BMS1: variants seen among roughly 807,000 people sequenced by gnomAD.
BMS1 encodes the protein ribosome biogenesis protein BMS1 homolog.
A neutral mutation model predicts 138.7 loss-of-function variants in BMS1; 53 were observed. The ratio of observed to expected loss-of-function variants is 0.38; its 90% CI spans 0.31 to 0.48. BMS1 has a LOEUF of 0.48. Ranked by LOEUF, BMS1 falls within the 20% of genes least tolerant of loss-of-function variation. The pLI, the probability that BMS1 is intolerant of heterozygous loss-of-function variation, is 0.97. For missense variants in BMS1, 1,360 were observed against 1,565.5 expected, an observed-to-expected ratio of 0.87 and a Z score of 2.22; for synonymous variants, 504 against 539.9, an observed-to-expected ratio of 0.93 and a Z score of 0.92.
chr10:42,816,211 A>G (rs2132366161), intron 13 of BMS1, among the ~76,000 whole-genome samples: 1 of 152,224 alleles, frequency 6.6e-6, no homozygotes, highest in East Asian at 1.9e-4. Flanking sequence ...AGGCAGTAGA[A>G]TTGCTTGAAC....
chr10:42,805,846 C>T (rs1309687382), intron 13 of BMS1, among the ~76,000 whole-genome samples: 1 of 152,118 alleles, frequency 6.6e-6, no homozygotes, highest in Non-Finnish European at 1.5e-5. Context: ...GTCACCCAGG[C>T]TGGAGTGCAG....
chr10:42,825,639 A>G (rs1842616202), intron 21 of BMS1, among the ~76,000 whole-genome samples: 1 of 152,248 alleles, frequency 6.6e-6, no homozygotes, highest in Non-Finnish European at 1.5e-5. Flanking sequence ...TATTGAGTTT[A>G]TACCTTGCAG....
chr10:42,795,592 A>T (rs2132314946), intron 9 of BMS1, among the ~76,000 whole-genome samples: 1 of 151,896 alleles, frequency 6.6e-6, no homozygotes, highest in South Asian at 2.1e-4. Context: ...AAGTTCTGGG[A>T]TTACAGATGT....
intron 13 of BMS1, among the ~76,000 whole-genome samples, chr10:42,813,547 C>T (rs1842250107): frequency 3.3e-5 from 5 of 152,130 alleles, no homozygotes; most frequent in Admixed American, 3.3e-4. Flanking sequence ...TTGTATGAAT[C>T]ACTGGCTTGA....
Position 42,791,779 on chromosome 10 carries a change from GA to G in BMS1, c.779+11del. ...ATATCCTGGCAGACAGGTAAAATAT[GA>G]TTTTAAGCTTTTTCTTCCTGGGCCA... On this transcript the variant is annotated intron_variant, in intron 6 of 22. Transcript: ENST00000374518. The G allele has an allele frequency of 6.3e-7, 1 of 1,591,918 alleles. No individual in the cohort carries two copies. Among genetic ancestry groups the G allele is most frequent in the South Asian group, 1.2e-5 (1 of 86,666 alleles).
At chr10:42,808,179 C>T (rs1366486002) in intron 13 of BMS1, among the ~76,000 whole-genome samples, 1 of 151,966 alleles carries the variant, frequency 6.6e-6, no homozygotes, top group African/African-American at 2.4e-5. Context: ...TGTTTAACTC[C>T]ATCGTCGGAT....
intron 13 of BMS1, among the ~76,000 whole-genome samples, chr10:42,812,352 C>T (rs1486852738): frequency 2.0e-5 from 3 of 152,176 alleles, no homozygotes; most frequent in Non-Finnish European, 4.4e-5. Context: ...TGCTATGTTG[C>T]CCAGGCTGGA....
chr10:42,796,898 T>C lies in BMS1; in HGVS notation c.1654T>C (p.Ser552Pro), dbSNP rs3814621. The C allele has an allele frequency of 9.7e-4, 1,568 of 1,614,170 alleles. 21 individuals are homozygous for C. The East Asian group carries it at 0.031, about 32-fold the overall frequency. Residue 552 changes from serine to proline, a missense_variant, in exon 10 of 23, where the codon TCA becomes CCA. Ser to Pro is a moderately conservative substitution (Grantham distance 74, BLOSUM62 -1). This residue lies in a region of BMS1 where 697 missense variants were observed against 686.2 expected (regional missense o/e 1.02). Transcript: ENST00000374518. The part of the protein sequence containing the change: ...AAGEGSKAGL[S>P]PANCQSDRVN... ...TGGAGAAGGTAGTAAAGCAGGGCTGTCACCAGCTAATTGCCAGAGTGACCG... is the reference window on the plus strand; with the variant it reads ...TGGAGAAGGTAGTAAAGCAGGGCTGCCACCAGCTAATTGCCAGAGTGACCG...
Position 42,832,854 on chromosome 10 carries a change from G to C in BMS1, c.*1758G>C, listed in dbSNP as rs1048526857. On this transcript the variant is annotated 3_prime_UTR_variant, in exon 23 of 23. Transcript: ENST00000374518. ...AGGCCTGGGGACTGACACATAGTAA[G>C]CCCATAACAATTATAATTTAAAACT... 2.6e-5 allele frequency: 4 copies of C among 152,104 alleles called. No homozygotes were observed. Among genetic ancestry groups the C allele is most frequent in the African/African-American group, 9.7e-5 (4 of 41,400 alleles). 9.4% of individuals were successfully genotyped at this position (152,104 alleles called of 1,614,324 possible). A position where few individuals can be genotyped will look rare whatever the true frequency, so the allele number is the denominator to read the frequency against.
Position 42,796,962 on chromosome 10 carries a change from C to T in BMS1, c.1718C>T (p.Ala573Val), listed in dbSNP as rs768936210. 1 of 1,614,196 alleles carries T rather than the reference C, an allele frequency of 6.2e-7. No homozygotes were observed. Among genetic ancestry groups the T allele is most frequent in the African/African-American group, 1.3e-5 (1 of 75,046 alleles). Residue 573 changes from alanine (A) to valine (V), a missense_variant, in exon 10 of 23, where the codon GCT becomes GTT. Transcript: ENST00000374518. ...LEKSLLMKKA[A>V]LPTFDSGHCT... ...AAGTCTTTGCTGATGAAGAAAGCAG[C>T]TCTCCCCACTTTCGATTCTGGGCAT...
At chr10:42,823,294 G>C (rs1296860858) in intron 20 of BMS1, 29 bp downstream of exon 20, 1 of 1,518,930 alleles carries the variant, frequency 6.6e-7, no homozygotes, top group South Asian at 1.4e-5. Context: ...GTTCAGGGCA[G>C]GGTGTTACCA....
At chr10:42,822,219 G>A in intron 19 of BMS1, 35 bp downstream of exon 19, 4 of 1,178,808 alleles carry the variant, frequency 3.4e-6, no homozygotes, top group Non-Finnish European at 3.6e-6. Context: ...ATTTATAAAT[G>A]TCCATATTGT....
rs1842842226 is a variant in BMS1 at position 42,834,324 on chromosome 10, GT to G, written c.*3231del. The G allele has an allele frequency of 6.6e-6, 1 of 152,056 alleles. No individual in the cohort carries two copies. The highest frequency in any genetic ancestry group is 1.5e-5 in the Non-Finnish European group (1 of 68,028). The allele number at this position is 152,056 out of a possible 1,614,324, so 9.4% of individuals were successfully genotyped here. On this transcript the variant is annotated 3_prime_UTR_variant, in exon 23 of 23. Transcript: ENST00000374518. ...CATGCCCGCCATTTCAGAAATAAAT[GT>G]TTGAGCAAAGAGGAAAGCCACCGGG...
At position 42,802,132 on chromosome 10, in the gene BMS1, G is replaced by A. The variant is rs377586085; in HGVS notation, c.2248-5G>A. ...CTCACCTAAGTGCTGACTTTTCTGCGTAAGGTTATGAACAGTATCAGAGAT... is the reference window on the plus strand; with the variant it reads ...CTCACCTAAGTGCTGACTTTTCTGCATAAGGTTATGAACAGTATCAGAGAT... On this transcript the variant is annotated splice_polypyrimidine_tract_variant and splice_region_variant and intron_variant, in intron 12 of 22. Coordinates refer to ENST00000374518, the MANE Select transcript of BMS1 (RefSeq NM_014753.4). 1.8e-5 allele frequency: 28 copies of A among 1,595,132 alleles called. No homozygotes were observed. The highest frequency in any genetic ancestry group is 1.7e-4 in the Middle Eastern group (1 of 6,020).
intron 11 of BMS1, 91 bp from the exon 12 acceptor site, chr10:42,798,377 T>A: frequency 6.6e-7 from 1 of 1,510,520 alleles, no homozygotes; most frequent in East Asian, 2.3e-5. Context: ...GTTCCTGAGT[T>A]CAAAGACTCA....
intron 12 of BMS1, 91 bp from the exon 13 acceptor site, chr10:42,802,046 T>C: frequency 2.1e-6 from 2 of 939,956 alleles, no homozygotes; most frequent in Admixed American, 2.2e-5. Flanking sequence ...GGGAAATATT[T>C]AAAGGCAAGT....
chr10:42,822,555 C>T (rs1444056124), intron 19 of BMS1, among the ~76,000 whole-genome samples: 3 of 152,068 alleles, frequency 2.0e-5, no homozygotes, highest in South Asian at 2.1e-4. Context: ...GTAGAAAAAT[C>T]GACAAAGCAT....
chr10:42,811,986 G>A (rs1842198821), intron 13 of BMS1, among the ~76,000 whole-genome samples: 1 of 152,128 alleles, frequency 6.6e-6, no homozygotes, highest in Admixed American at 6.5e-5. Context: ...ATATTCTTAT[G>A]AGTTGAATTA....
At chr10:42,802,830 A>G (rs1841911550) in intron 13 of BMS1, among the ~76,000 whole-genome samples, 1 of 151,650 alleles carries the variant, frequency 6.6e-6, no homozygotes, top group Non-Finnish European at 1.5e-5. Flanking sequence ...TTATCATACC[A>G]TTATTGAAGT....
Sources: allele counts gnomAD v4.1 joint callset (sites outside exome capture counted in the v4.1 genomes callset), GRCh38; gene constraint gnomAD v4.1.1; regional missense constraint gnomAD v4.1.1; transcripts MANE v1.5; gene names NCBI Gene and HGNC (gene_info 2026-07-23, HGNC 2026-07-21).